Variants in RBM19 observed in about 807,000 individuals in gnomAD.
The protein encoded by RBM19 is RNA binding motif protein 19, also known as probable RNA-binding protein 19.
A neutral mutation model predicts 116.8 loss-of-function variants in RBM19; 94 were observed. The ratio of observed to expected loss-of-function variants is 0.80; its 90% CI spans 0.68 to 0.95. The LOEUF is 0.95. Among genes scored for constraint, RBM19 ranks in the 40% least tolerant of loss-of-function variants. RBM19 has a pLI of 0.00. For synonymous variants in RBM19, 475 were observed against 494.1 expected (o/e 0.96, Z 0.51); for missense variants, 1,161 against 1,220.7 (o/e 0.95, Z 0.73).
chr12:113,919,429 G>A (rs1298648517), intron 19 of RBM19, among the ~76,000 whole-genome samples: 1 of 152,166 alleles, frequency 6.6e-6, no homozygotes, highest in Non-Finnish European at 1.5e-5. Context: ...AAATTAGCCG[G>A]GCTTGGTGGC....
chr12:113,869,933 C>T lies in RBM19; in HGVS notation c.2559-11037G>A, dbSNP rs187319857. Among the ~76,000 whole-genome samples, 562 of 152,306 alleles carry T rather than the reference C, an allele frequency of 3.7e-3. 12 individuals are homozygous for T. Among genetic ancestry groups the T allele is most frequent in the Admixed American group, 0.026 (391 of 15,304 alleles). ...CCCTTTGTTTTGCCCATTTCTGCTG[C>T]CACTCTAAGAAAAGCCACTATGGGG... On this transcript the variant is annotated intron_variant, in intron 21 of 23. Coordinates refer to ENST00000261741, the MANE Select transcript of RBM19 (RefSeq NM_016196.4).
intron 2 of RBM19, among the ~76,000 whole-genome samples, chr12:113,961,094 C>G (rs1269259389): frequency 6.6e-6 from 1 of 152,270 alleles, no homozygotes; most frequent in African/African-American, 2.4e-5. Flanking sequence ...ATGATCATAG[C>G]TCACTGCAGC....
At chr12:113,849,926 C>T (rs1877318927) in intron 22 of RBM19, among the ~76,000 whole-genome samples, 1 of 152,162 alleles carries the variant, frequency 6.6e-6, no homozygotes, top group African/African-American at 2.4e-5. Context: ...GGTGGCACTT[C>T]TGGGAGACTG....
intron 21 of RBM19, among the ~76,000 whole-genome samples, chr12:113,913,506 C>T (rs1250696712): frequency 1.3e-5 from 2 of 152,204 alleles, no homozygotes; most frequent in Non-Finnish European, 2.9e-5. Flanking sequence ...GCTCACCACA[C>T]ACCACATCTG....
chr12:113,947,276 G>A, intron 11 of RBM19, 58 bp downstream of exon 11: 2 of 1,527,298 alleles, frequency 1.3e-6, no homozygotes, highest in Non-Finnish European at 1.8e-6. Flanking sequence ...ACACACACCA[G>A]CCTTTCCCGA....
rs1487289596 is a variant in RBM19, at chr12:113,825,730, T to C, written c.2786-2409A>G. On this transcript the variant is annotated intron_variant, in intron 23 of 23. Transcript: ENST00000261741. This position sits in a 1 kb window ranked among gnomAD's most constrained non-coding sequence, Gnocchi z 5.7. ...GGGCGAGTTCTAGCCCCATCCATTG[T>C]GTCGGCTCAACCTGTAAGATAGAGC... is the stretch of plus-strand genomic sequence containing the variant. Among the ~76,000 whole-genome samples the C allele has an allele frequency of 6.6e-6, 1 of 152,180 alleles. No individual in the cohort carries two copies. Among genetic ancestry groups the C allele is most frequent in the African/African-American group, 2.4e-5 (1 of 41,446 alleles).
At chr12:113,836,904 C>A (rs1167492742) in intron 23 of RBM19, among the ~76,000 whole-genome samples, 26 of 2,218 alleles carry the variant, frequency 0.012, no homozygotes, top group East Asian at 0.062. Context: ...ACATACACAC[C>A]CCCCCCCCCC....
At position 113,943,888 on chromosome 12, in the gene RBM19, G is replaced by T. The variant is rs116753614; in HGVS notation, c.1627-1454C>A. 1.3e-5 allele frequency among the ~76,000 whole-genome samples: 2 copies of T among 152,066 alleles called. 1 individual carries two copies. The highest frequency in any genetic ancestry group is 4.2e-4 in the South Asian group (2 of 4,814). On this transcript the variant is annotated intron_variant, in intron 13 of 23. Coordinates refer to ENST00000261741, the MANE Select transcript of RBM19 (RefSeq NM_016196.4). ...GAAATATATTATTAATATTAATTTTGTCTGTTTCATTTAGCCTTTTAAACA... is the reference window on the plus strand; with the variant it reads ...GAAATATATTATTAATATTAATTTTTTCTGTTTCATTTAGCCTTTTAAACA...
chr12:113,928,901 A>G (rs1237616767), intron 16 of RBM19, among the ~76,000 whole-genome samples: 1 of 152,072 alleles, frequency 6.6e-6, no homozygotes, highest in Non-Finnish European at 1.5e-5. Context: ...AGGCTTCTGA[A>G]GCTATTCCCA....
intron 21 of RBM19, among the ~76,000 whole-genome samples, chr12:113,891,536 C>T (rs1338618019): frequency 6.6e-6 from 1 of 152,168 alleles, no homozygotes; most frequent in African/African-American, 2.4e-5. Context: ...GAGCTGGAAT[C>T]GTCCAGGTGG....
At chr12:113,820,078 G>C (rs1874313658), downstream of RBM19, among the ~76,000 whole-genome samples, 2 of 152,066 alleles carry the variant, frequency 1.3e-5, no homozygotes, top group Admixed American at 1.3e-4. Flanking sequence ...GTGTAAAGAG[G>C]AGCTGGGTGT....
At chr12:113,867,555 C>T (rs1878912859) in intron 21 of RBM19, among the ~76,000 whole-genome samples, 1 of 152,178 alleles carries the variant, frequency 6.6e-6, no homozygotes, top group Non-Finnish European at 1.5e-5. Context: ...AATATATGTA[C>T]AGTTTAAAAC....
Position 113,917,811 on chromosome 12 carries a change from TTTAGATA to T in RBM19, c.2441+574_2441+580del, listed in dbSNP as rs569325178. Among the ~76,000 whole-genome samples, 399 of 152,308 alleles carry T rather than the reference TTTAGATA, an allele frequency of 2.6e-3. 2 individuals are homozygous for T. Among genetic ancestry groups the T allele is most frequent in the Middle Eastern group, 0.01 (3 of 294 alleles). ...GAGGCACGTCGGGTGTAATAGTTCA[TTTAGATA>T]TACAAGCAGGTAGAAATGGAGGTGC... On this transcript the variant is annotated intron_variant, in intron 20 of 23. Transcript: ENST00000261741.
intron 22 of RBM19, among the ~76,000 whole-genome samples, chr12:113,851,595 C>T (rs944322177): frequency 3.9e-5 from 6 of 152,208 alleles, no homozygotes; most frequent in African/African-American, 1.4e-4. Context: ...AATTTTTCAA[C>T]TGCAAAATGG....
chr12:113,904,389 T>G (rs555814016), intron 21 of RBM19, among the ~76,000 whole-genome samples: 1 of 152,226 alleles, frequency 6.6e-6, no homozygotes, highest in South Asian at 2.1e-4. Flanking sequence ...TATCTGTGAG[T>G]GCAAATACGG....
At chr12:113,916,847 C>A (rs1031674573) in intron 20 of RBM19, among the ~76,000 whole-genome samples, 1 of 152,220 alleles carries the variant, frequency 6.6e-6, no homozygotes, top group East Asian at 1.9e-4. Flanking sequence ...AGACCCTGAG[C>A]CAGAATTCCC....
intron 21 of RBM19, among the ~76,000 whole-genome samples, chr12:113,873,551 G>A (rs1481361245): frequency 3.5e-5 from 4 of 115,128 alleles, no homozygotes; most frequent in African/African-American, 1.4e-4. Flanking sequence ...GCGGAAGGCC[G>A]CAGGGTCCTC....
At chr12:113,912,382 C>A (rs1464889160) in intron 21 of RBM19, among the ~76,000 whole-genome samples, 1 of 152,230 alleles carries the variant, frequency 6.6e-6, no homozygotes, top group Non-Finnish European at 1.5e-5. Flanking sequence ...ATGACACACT[C>A]GCTGTCATTT....
intron 21 of RBM19, among the ~76,000 whole-genome samples, chr12:113,871,606 G>A (rs2135766590): frequency 6.6e-6 from 1 of 152,340 alleles, no homozygotes; most frequent in South Asian, 2.1e-4. Flanking sequence ...CGGGGACGTA[G>A]GCTTTAGTTT....
Sources: gnomAD v4.1 joint callset for allele counts (sites outside exome capture counted in the v4.1 genomes callset) on GRCh38, gnomAD v4.1.1 for gene constraint, Gnocchi (gnomAD v3.1) non-coding constraint, MANE v1.5 for transcripts, NCBI Gene and HGNC (gene_info 2026-07-23, HGNC 2026-07-21) for gene names.